Variants in FHIT observed in about 807,000 individuals in gnomAD.
FHIT encodes bis(5'-adenosyl)-triphosphatase.
A neutral mutation model predicts 17.9 loss-of-function variants in FHIT; 19 were observed. The observed-to-expected ratio is 1.06, with a 90% CI of 0.74 to 1.56. FHIT has a LOEUF of 1.56. FHIT is among the 40% of genes most tolerant of loss of function. The pLI, the probability that FHIT is intolerant of heterozygous loss-of-function variation, is 0.00. For synonymous variants in FHIT, 81 were observed against 69.7 expected (o/e 1.16, Z -0.81); for missense variants, 248 against 189.2 (o/e 1.31, Z -1.82).
At chr3:60,153,361 C>G (rs959259150) in intron 5 of FHIT, among the ~76,000 whole-genome samples, 2 of 80,230 alleles carry the variant, frequency 2.5e-5, no homozygotes, top group Admixed American at 1.3e-4. Flanking sequence ...TCACAATTCA[C>G]CAGAAAAAAA....
At chr3:59,946,338 A>G (rs1356900607) in intron 7 of FHIT, among the ~76,000 whole-genome samples, 1 of 152,210 alleles carries the variant, frequency 6.6e-6, no homozygotes, top group African/African-American at 2.4e-5. Flanking sequence ...CTGTTGGTGT[A>G]TAGAAAAAGC....
chr3:60,982,521 T>A (rs1710539875), intron 3 of FHIT, among the ~76,000 whole-genome samples: 1 of 152,256 alleles, frequency 6.6e-6, no homozygotes, highest in African/African-American at 2.4e-5. Context: ...TTTCATTTCT[T>A]CGAACACATC....
intron 7 of FHIT, among the ~76,000 whole-genome samples, chr3:59,973,049 C>T (rs1708257991): frequency 6.6e-6 from 1 of 151,942 alleles, no homozygotes; most frequent in African/African-American, 2.4e-5. Context: ...GGTGTGTCTC[C>T]CTCCTCTAAC....
intron 7 of FHIT, among the ~76,000 whole-genome samples, chr3:59,956,856 C>T (rs1422447371): frequency 6.6e-6 from 1 of 152,178 alleles, no homozygotes; most frequent in African/African-American, 2.4e-5. Flanking sequence ...AAATCCCTAT[C>T]ATCCTTTAGT....
intron 3 of FHIT, among the ~76,000 whole-genome samples, chr3:60,825,318 T>C (rs1235230359): frequency 1.3e-5 from 2 of 152,192 alleles, no homozygotes; most frequent in African/African-American, 2.4e-5. Context: ...TAAAATATGC[T>C]ATATTTATAT....
intron 5 of FHIT, among the ~76,000 whole-genome samples, chr3:60,244,346 G>A (rs1705284028): frequency 6.6e-6 from 1 of 151,906 alleles, no homozygotes; most frequent in Non-Finnish European, 1.5e-5. Flanking sequence ...AGGATAAAAG[G>A]TCACACAATT....
intron 5 of FHIT, among the ~76,000 whole-genome samples, chr3:60,434,400 C>T (rs1247979909): frequency 6.6e-6 from 1 of 152,076 alleles, no homozygotes; most frequent in East Asian, 1.9e-4. Flanking sequence ...CTTTCTGACA[C>T]ATTTTCTTCC....
chr3:60,244,448 G>T (rs1378354202), intron 5 of FHIT, among the ~76,000 whole-genome samples: 1 of 151,992 alleles, frequency 6.6e-6, no homozygotes, highest in Non-Finnish European at 1.5e-5. Flanking sequence ...AAAATTTAAG[G>T]AATACCTCTG....
chr3:60,178,005 A>T (rs1701757283), intron 5 of FHIT, among the ~76,000 whole-genome samples: 1 of 152,200 alleles, frequency 6.6e-6, no homozygotes, highest in Non-Finnish European at 1.5e-5. Flanking sequence ...TAGCTACGGG[A>T]AAGTGAGACA....
intron 5 of FHIT, among the ~76,000 whole-genome samples, chr3:60,215,847 A>G (rs1703673989): frequency 2.0e-5 from 3 of 152,200 alleles, no homozygotes; most frequent in Admixed American, 1.3e-4. Flanking sequence ...ATAATCTATG[A>G]GAGAACACTT....
intron 8 of FHIT, among the ~76,000 whole-genome samples, chr3:59,901,498 A>AATGACCAAGGGGCATGTGGGAAG (rs1413388441): frequency 1.3e-5 from 2 of 152,218 alleles, no homozygotes; most frequent in African/African-American, 4.8e-5. Flanking sequence ...AAGCTATACA[A>AATGACCAAGGGGCATGTGGGAAG]ATGACCAAGG....
chr3:60,722,261 T>C (rs898183915), intron 4 of FHIT, among the ~76,000 whole-genome samples: 12 of 152,348 alleles, frequency 7.9e-5, no homozygotes, highest in Middle Eastern at 6.8e-3. Context: ...CCTTCTTCAT[T>C]CTGCTTACAG....
chr3:60,127,610 T>C (rs188109104), intron 5 of FHIT, among the ~76,000 whole-genome samples: 3 of 152,280 alleles, frequency 2.0e-5, no homozygotes, highest in Non-Finnish European at 2.9e-5. Context: ...TTTTTATATC[T>C]ATTTTTTTGG....
At chr3:60,271,886 AAC>A (rs1474186073) in intron 5 of FHIT, among the ~76,000 whole-genome samples, 1 of 152,222 alleles carries the variant, frequency 6.6e-6, no homozygotes, top group African/African-American at 2.4e-5. Context: ...CATAATTGTT[AAC>A]ATTTTCTGAA....
chr3:60,124,001 TATATATATAGAGAGAG>T (rs1705398857), intron 5 of FHIT, among the ~76,000 whole-genome samples: 2 of 27,954 alleles, frequency 7.2e-5, no homozygotes, highest in Admixed American at 3.9e-4. Flanking sequence ...TATATATATA[TATATATATAGAGAGAG>T]AGAGAGAGAG....
At chr3:60,633,398 C>T (rs1553682928) in intron 4 of FHIT, among the ~76,000 whole-genome samples, 4 of 152,100 alleles carry the variant, frequency 2.6e-5, no homozygotes, top group African/African-American at 7.2e-5. Flanking sequence ...ACAATACCTG[C>T]CCCCACAGTA....
intron 4 of FHIT, among the ~76,000 whole-genome samples, chr3:60,589,647 G>A (rs2038018586): frequency 6.6e-6 from 1 of 152,024 alleles, no homozygotes; most frequent in Non-Finnish European, 1.5e-5. Context: ...AATGGCAAGG[G>A]CAAAGGATAC....
chr3:59,807,333 C>G (rs2107020092), intron 8 of FHIT, among the ~76,000 whole-genome samples: 1 of 152,220 alleles, frequency 6.6e-6, no homozygotes, highest in African/African-American at 2.4e-5. Context: ...GCCTGGTTAA[C>G]TTCCAGCTCA....
chr3:60,988,122 T>C (rs2029871457), intron 3 of FHIT, among the ~76,000 whole-genome samples: 1 of 152,198 alleles, frequency 6.6e-6, no homozygotes, highest in African/African-American at 2.4e-5. Context: ...AATCAGATGT[T>C]TGTTGGTTGA....
Sources: gnomAD v4.1 joint callset for allele counts (sites outside exome capture counted in the v4.1 genomes callset) on GRCh38, gnomAD v4.1.1 for gene constraint, MANE v1.5 for transcripts, NCBI Gene and HGNC (gene_info 2026-07-23, HGNC 2026-07-21) for gene names.